BCAT1: variants seen among roughly 807,000 people sequenced by gnomAD.
BCAT1 encodes the protein branched chain amino acid transaminase 1.
BCAT1 carries 48 observed loss-of-function variants against 52.4 expected under a neutral mutation model. The ratio of observed to expected loss-of-function variants is 0.92; its 90% CI spans 0.73 to 1.16. The LOEUF (loss-of-function observed/expected upper bound fraction) is 1.16. Ranked by LOEUF, BCAT1 falls within the 50% of genes most tolerant of loss-of-function variation. BCAT1 has a pLI of 0.00. For synonymous variants in BCAT1, 167 were observed against 161.3 expected, an observed-to-expected ratio of 1.04 and a Z score of -0.27; for missense variants, 451 against 457.1, an observed-to-expected ratio of 0.99 and a Z score of 0.12.
At chr12:24,887,080 A>AAAAAATAT (rs1245203518) in intron 3 of BCAT1, among the ~76,000 whole-genome samples, 5 of 40,746 alleles carry the variant, frequency 1.2e-4, no homozygotes, top group East Asian at 7.6e-4. Context: ...AAAAAAAAAA[A>AAAAAATAT]ATATATATAT....
chr12:24,924,135 AGAGT>A (rs1943544211), intron 1 of BCAT1, among the ~76,000 whole-genome samples: 2 of 152,032 alleles, frequency 1.3e-5, no homozygotes, highest in Non-Finnish European at 2.9e-5. Flanking sequence ...TCCCTTTTCT[AGAGT>A]GAGAAGACCA....
intron 5 of BCAT1, among the ~76,000 whole-genome samples, chr12:24,870,220 G>A (rs373382750): frequency 2.0e-4 from 30 of 152,210 alleles, no homozygotes; most frequent in African/African-American, 7.0e-4. Context: ...AAACTTAGAA[G>A]CATTGTAATT....
At chr12:24,873,605 T>C (rs1028944420) in intron 5 of BCAT1, among the ~76,000 whole-genome samples, 2 of 152,214 alleles carry the variant, frequency 1.3e-5, no homozygotes, top group Non-Finnish European at 2.9e-5. Flanking sequence ...GACTATCCCT[T>C]ATCCACAAAG....
intron 7 of BCAT1, among the ~76,000 whole-genome samples, chr12:24,841,675 G>A (rs1051730616): frequency 2.0e-5 from 3 of 152,120 alleles, no homozygotes; most frequent in East Asian, 1.9e-4. Context: ...GGCCAAGGCC[G>A]GTGGATCACC....
Position 24,849,907 on chromosome 12 carries a change from C to G in BCAT1, c.553G>C (p.Val185Leu). The part of the protein sequence containing the change: ...VKKPTKALLF[V>L]LLSPVGPYFS... ...TAAGGTCCCACTGGGCTCAAGAGTA[C>G]AAAGAGCAGGGCTTTGGTAGGCTTC... The change falls in exon 6 of 11, where the codon GTA becomes CTA. Residue 185 changes from valine to leucine, a missense_variant. Coordinates refer to ENST00000261192, the MANE Select transcript of BCAT1 (RefSeq NM_005504.7). 1 of 1,613,280 alleles carries G rather than the reference C, an allele frequency of 6.2e-7. No individual in the cohort carries two copies. Among genetic ancestry groups the G allele is most frequent in the Non-Finnish European group, 8.5e-7 (1 of 1,179,474 alleles).
chr12:24,862,305 T>C (rs1018004725), intron 5 of BCAT1, among the ~76,000 whole-genome samples: 1 of 152,166 alleles, frequency 6.6e-6, no homozygotes, highest in African/African-American at 2.4e-5. Flanking sequence ...CCAGTAACAC[T>C]CCAATTAAGC....
intron 6 of BCAT1, among the ~76,000 whole-genome samples, chr12:24,843,764 C>A (rs1941249100): frequency 6.6e-6 from 1 of 152,048 alleles, no homozygotes; most frequent in South Asian, 2.1e-4. Flanking sequence ...CAACTGATGA[C>A]AATATAGCAT....
intron 1 of BCAT1, among the ~76,000 whole-genome samples, chr12:24,933,869 G>T (rs1943714865): frequency 6.6e-6 from 1 of 152,090 alleles, no homozygotes; most frequent in South Asian, 2.1e-4. Flanking sequence ...GATTTACATA[G>T]GGCTCACAGA....
At position 24,938,051 on chromosome 12, in the gene BCAT1, G is replaced by A. The variant is rs542488423; in HGVS notation, c.6+10876C>T. On this transcript the variant is annotated intron_variant, in intron 1 of 10. Coordinates refer to ENST00000261192, the MANE Select transcript of BCAT1 (RefSeq NM_005504.7). ...ATCCACATGCACCTTAAAATAAATG[G>A]GAAAACAGCACATGGGAGGGAAGAG... 3.9e-5 allele frequency among the ~76,000 whole-genome samples: 6 copies of A among 152,230 alleles called. No homozygotes were observed. The South Asian group carries it at 6.2e-4, about 16-fold the overall frequency.
At chr12:24,883,163 G>A (rs1942549901) in intron 3 of BCAT1, among the ~76,000 whole-genome samples, 1 of 152,108 alleles carries the variant, frequency 6.6e-6, no homozygotes, top group Admixed American at 6.6e-5. Context: ...GCATGTGCCT[G>A]TAGTCCCAGC....
At chr12:24,822,149 C>T (rs939420623) in intron 10 of BCAT1, among the ~76,000 whole-genome samples, 3 of 152,294 alleles carry the variant, frequency 2.0e-5, no homozygotes, top group African/African-American at 7.2e-5. Context: ...TAAACACAGA[C>T]GTGCTTTTCT....
rs1466186779 is a variant in BCAT1 at position 24,839,140 on chromosome 12, G to A, written c.818-2544C>T. Among the ~76,000 whole-genome samples the A allele has an allele frequency of 3.3e-5, 5 of 152,314 alleles. No homozygotes were observed. In the East Asian group the frequency reaches 9.6e-4, roughly 29 times the overall value. On this transcript the variant is annotated intron_variant, in intron 7 of 10. Transcript: ENST00000261192. ...GTTGATAGTATGTTAGACTACACAG[G>A]GGGAAACAAAGAAGGAAAAGCAATG...
chr12:24,867,136 C>T (rs1942043130), intron 5 of BCAT1, among the ~76,000 whole-genome samples: 1 of 152,060 alleles, frequency 6.6e-6, no homozygotes, highest in African/African-American at 2.4e-5. Context: ...AGCTTCACTC[C>T]TGAGCCAACG....
intron 8 of BCAT1, chr12:24,834,608 A>G: frequency 1.0e-6 from 1 of 981,356 alleles, no homozygotes. Flanking sequence ...TCTTGGCAAT[A>G]TTCAAAATAT....
chr12:24,869,323 T>A (rs1942116006), intron 5 of BCAT1, among the ~76,000 whole-genome samples: 1 of 152,084 alleles, frequency 6.6e-6, no homozygotes, highest in Non-Finnish European at 1.5e-5. Context: ...GGTCACACCA[T>A]TCACAGTGGG....
intron 1 of BCAT1, among the ~76,000 whole-genome samples, chr12:24,914,712 G>GCTGA (rs1285439862): frequency 6.6e-6 from 1 of 152,206 alleles, no homozygotes; most frequent in Non-Finnish European, 1.5e-5. Context: ...CCATACATCA[G>GCTGA]CTGACATGAA....
intron 8 of BCAT1, chr12:24,834,467 T>C: frequency 1.0e-6 from 1 of 982,770 alleles, no homozygotes; most frequent in Non-Finnish European, 1.2e-6. Context: ...TTTACCTCAG[T>C]GGTTCAAGTT....
At position 24,842,257 on chromosome 12, in the gene BCAT1, C is replaced by T. The variant is rs370801502; in HGVS notation, c.675-33G>A. The T allele has an allele frequency of 3.5e-5, 56 of 1,610,392 alleles. No homozygotes were observed. In the African/African-American group the frequency reaches 7.1e-4, roughly 20 times the overall value. Reference sequence around the variant, plus strand: ...AAAGAGAAAATACACAGGTTACAAACATACTTCATCCCCACTCCCTCATCT... The same window carrying T: ...AAAGAGAAAATACACAGGTTACAAATATACTTCATCCCCACTCCCTCATCT... On this transcript the variant is annotated intron_variant, in intron 6 of 10. Transcript: ENST00000261192.
rs573090268 is a variant in BCAT1 at position 24,948,130 on chromosome 12, C to T, written c.6+797G>A. Among the ~76,000 whole-genome samples the T allele has an allele frequency of 7.2e-5, 11 of 152,298 alleles. No homozygotes were observed. The South Asian group carries it at 2.1e-3, about 29-fold the overall frequency. On this transcript the variant is annotated intron_variant, in intron 1 of 10. Transcript: ENST00000261192. ...AGATTGCATTATGGTCATCTCAATTCCAAAATGTTAGATGGCAAGAATATC... is the reference window on the plus strand; with the variant it reads ...AGATTGCATTATGGTCATCTCAATTTCAAAATGTTAGATGGCAAGAATATC...
Sources: gnomAD v4.1 joint callset for allele counts (sites outside exome capture counted in the v4.1 genomes callset) on GRCh38, gnomAD v4.1.1 for gene constraint, MANE v1.5 for transcripts, NCBI Gene and HGNC (gene_info 2026-07-23, HGNC 2026-07-21) for gene names.